ACTL8: variants seen among roughly 807,000 people sequenced by gnomAD.
ACTL8 encodes the protein actin like 8, also known as actin-like protein 8.
A neutral mutation model predicts 9.3 loss-of-function variants in ACTL8; 3 were observed. The ratio of observed to expected loss-of-function variants is 0.32; its 90% confidence interval spans 0.15 to 0.83. The LOEUF is 0.83. ACTL8 is among the 40% of genes least tolerant of loss of function. ACTL8 has a pLI of 0.57. For missense variants in ACTL8, 381 were observed against 492.2 expected (o/e 0.77, Z 2.14); for synonymous variants, 224 against 205.9 (o/e 1.09, Z -0.75).
intron 1 of ACTL8, among the ~76,000 whole-genome samples, chr1:17,762,532 C>T (rs1370045348): frequency 6.6e-6 from 1 of 152,150 alleles, no homozygotes; most frequent in Non-Finnish European, 1.5e-5. Context: ...GGCTCACCTC[C>T]AGGCAGGTAG....
intron 1 of ACTL8, among the ~76,000 whole-genome samples, chr1:17,763,750 C>G (rs998706358): frequency 6.6e-6 from 1 of 152,220 alleles, no homozygotes; most frequent in African/African-American, 2.4e-5. Flanking sequence ...AGTCTTTTCT[C>G]CCCCATTCCC....
intron 1 of ACTL8, among the ~76,000 whole-genome samples, chr1:17,814,210 T>G (rs998354260): frequency 8.5e-5 from 13 of 152,224 alleles, no homozygotes; most frequent in Non-Finnish European, 1.5e-4. Context: ...ACACCAATAC[T>G]TACTGGCTGG....
chr1:17,781,499 A>T (rs2066154676), intron 1 of ACTL8, among the ~76,000 whole-genome samples: 1 of 152,120 alleles, frequency 6.6e-6, no homozygotes, highest in African/African-American at 2.4e-5. Flanking sequence ...TCGACCTCCC[A>T]AAGTGCTGGG....
intron 1 of ACTL8, among the ~76,000 whole-genome samples, chr1:17,811,761 A>T (rs959165704): frequency 6.6e-6 from 1 of 152,066 alleles, no homozygotes; most frequent in African/African-American, 2.4e-5. Flanking sequence ...GTCAAAATCA[A>T]TTGATTAGAT....
intron 1 of ACTL8, among the ~76,000 whole-genome samples, chr1:17,764,762 C>T (rs1206895163): frequency 6.6e-6 from 1 of 152,234 alleles, no homozygotes; most frequent in Admixed American, 6.5e-5. Flanking sequence ...CGCGTTCCTC[C>T]AGCGTTGCCT....
intron 1 of ACTL8, among the ~76,000 whole-genome samples, chr1:17,756,306 A>C (rs1211602352): frequency 6.6e-6 from 1 of 151,172 alleles, no homozygotes; most frequent in Non-Finnish European, 1.5e-5. Context: ...GAAAGCCCCC[A>C]GGGGCTCTTT....
At chr1:17,777,940 C>T (rs1167553265) in intron 1 of ACTL8, among the ~76,000 whole-genome samples, 1 of 152,184 alleles carries the variant, frequency 6.6e-6, no homozygotes, top group African/African-American at 2.4e-5. Context: ...TCTGGTGATC[C>T]TCCTGCTTTG....
At chr1:17,803,696 G>T (rs778114646) in intron 1 of ACTL8, among the ~76,000 whole-genome samples, 1 of 152,188 alleles carries the variant, frequency 6.6e-6, no homozygotes, top group Non-Finnish European at 1.5e-5. Flanking sequence ...TATAAGTGGG[G>T]AGTGAGAGTG....
intron 2 of ACTL8, 117 bp from the exon 3 acceptor site, chr1:17,825,650 G>C: frequency 1.5e-6 from 2 of 1,337,350 alleles, no homozygotes; most frequent in South Asian, 1.4e-5. Context: ...GGCCCTGGGC[G>C]CAGCATCCTG....
At chr1:17,783,498 G>A (rs578102070) in intron 1 of ACTL8, among the ~76,000 whole-genome samples, 24 of 152,178 alleles carry the variant, frequency 1.6e-4, no homozygotes, top group Non-Finnish European at 2.8e-4. Context: ...CCACATATAC[G>A]AAAACATTGA....
intron 1 of ACTL8, among the ~76,000 whole-genome samples, chr1:17,798,533 G>T (rs1009035578): frequency 6.6e-6 from 1 of 152,178 alleles, no homozygotes; most frequent in African/African-American, 2.4e-5. Context: ...CCATTCAAAA[G>T]GACCAGAGAG....
chr1:17,823,854 C>T lies in ACTL8; in HGVS notation c.348+498C>T, dbSNP rs985371585. The stretch of plus-strand genomic sequence containing the variant: ...AGCTCACGGAGGCCCCACCTGCAGA[C>T]GGACATGCAGCAACCAACGTGCTTG... On this transcript the variant is annotated intron_variant, in intron 2 of 2. Coordinates refer to ENST00000375406, the MANE Select transcript of ACTL8 (RefSeq NM_030812.3). This position sits in a 1 kb window ranked among gnomAD's most constrained non-coding sequence, Gnocchi z 5.3. Among the ~76,000 whole-genome samples, 16 of 152,172 alleles carry T rather than the reference C, an allele frequency of 1.1e-4. No homozygotes were observed. Among genetic ancestry groups the T allele is most frequent in the African/African-American group, 3.6e-4 (15 of 41,432 alleles).
intron 1 of ACTL8, among the ~76,000 whole-genome samples, chr1:17,802,550 A>G (rs933937244): frequency 4.6e-5 from 7 of 152,176 alleles, no homozygotes; most frequent in African/African-American, 1.7e-4. Context: ...GGTAAGGAAC[A>G]GAGCTGGGGT....
intron 1 of ACTL8, among the ~76,000 whole-genome samples, chr1:17,807,639 A>G (rs2066367526): frequency 6.6e-6 from 1 of 152,182 alleles, no homozygotes; most frequent in Non-Finnish European, 1.5e-5. Context: ...TGTGGCACAT[A>G]TACACTGTGG....
At chr1:17,792,595 ACT>A (rs1259096045) in intron 1 of ACTL8, among the ~76,000 whole-genome samples, 1 of 151,032 alleles carries the variant, frequency 6.6e-6, no homozygotes, top group Non-Finnish European at 1.5e-5. Flanking sequence ...CCTCCTCCTA[ACT>A]CTGCCGTTTG....
chr1:17,781,867 T>C (rs1053002457), intron 1 of ACTL8, among the ~76,000 whole-genome samples: 6 of 152,078 alleles, frequency 3.9e-5, no homozygotes, highest in Non-Finnish European at 7.4e-5. Context: ...CCAGGACCCA[T>C]CTCTGGCAGA....
At chr1:17,779,665 A>G (rs990785382) in intron 1 of ACTL8, among the ~76,000 whole-genome samples, 4 of 151,980 alleles carry the variant, frequency 2.6e-5, no homozygotes, top group Non-Finnish European at 5.9e-5. Flanking sequence ...GGTTGCTTTC[A>G]TCTATGGCTC....
At chr1:17,806,374 TTC>T (rs1355952470) in intron 1 of ACTL8, among the ~76,000 whole-genome samples, 1 of 152,198 alleles carries the variant, frequency 6.6e-6, no homozygotes, top group African/African-American at 2.4e-5. Context: ...TTTGATGTCT[TTC>T]TCTGTTTCTC....
At chr1:17,791,258 C>G (rs1422340842) in intron 1 of ACTL8, among the ~76,000 whole-genome samples, 1 of 152,188 alleles carries the variant, frequency 6.6e-6, no homozygotes, top group Non-Finnish European at 1.5e-5. Context: ...ACGGAGTGTA[C>G]AGCCCTGGCC....
Sources: allele counts gnomAD v4.1 joint callset (sites outside exome capture counted in the v4.1 genomes callset), GRCh38; gene constraint gnomAD v4.1.1; non-coding constraint Gnocchi (gnomAD v3.1); transcripts MANE v1.5; gene names NCBI Gene and HGNC (gene_info 2026-07-23, HGNC 2026-07-21).